BABAM2: variants seen among roughly 807,000 people sequenced by gnomAD.
BABAM2 encodes BRISC and BRCA1-A complex member 2.
BABAM2 carries 31 observed loss-of-function variants against 54.7 expected under a neutral mutation model. The observed-to-expected ratio is 0.57, with a 90% CI of 0.43 to 0.77. BABAM2 has a LOEUF of 0.77. Among genes scored for constraint, BABAM2 ranks in the 30% least tolerant of loss-of-function variants. The pLI is 0.00. For synonymous variants in BABAM2, 167 were observed against 162.9 expected (o/e 1.03, Z -0.19); for missense variants, 364 against 455.8 (o/e 0.80, Z 1.83).
intron 10 of BABAM2, among the ~76,000 whole-genome samples, chr2:28,259,883 A>C (rs549851631): frequency 6.0e-5 from 9 of 149,712 alleles, no homozygotes; most frequent in Admixed American, 4.8e-4. Flanking sequence ...TGACCATATA[A>C]GTGTAAATCT....
chr2:28,068,284 C>A (rs1431947169), intron 6 of BABAM2, among the ~76,000 whole-genome samples: 1 of 152,146 alleles, frequency 6.6e-6, no homozygotes, highest in African/African-American at 2.4e-5. Context: ...TTACAACCTA[C>A]ATATGTAGCG....
At chr2:28,192,301 T>C (rs1201669219) in intron 7 of BABAM2, among the ~76,000 whole-genome samples, 1 of 152,136 alleles carries the variant, frequency 6.6e-6, no homozygotes, top group Non-Finnish European at 1.5e-5. Flanking sequence ...CCCAAAGTGC[T>C]GGGATTACAG....
intron 4 of BABAM2, among the ~76,000 whole-genome samples, chr2:28,020,952 G>GAC (rs57086132): frequency 0.11 from 15,827 of 144,288 alleles, 1,092 homozygotes; most frequent in African/African-American, 0.2. Context: ...CTGTCTCTCT[G>GAC]ACACACACAC....
chr2:28,009,617 G>C (rs1374296178), intron 4 of BABAM2, among the ~76,000 whole-genome samples: 4 of 152,090 alleles, frequency 2.6e-5, no homozygotes, highest in Non-Finnish European at 5.9e-5. Context: ...ATTTGAAACA[G>C]ATGCTTTTAT....
chr2:27,981,639 C>T (rs1318176351), intron 3 of BABAM2, among the ~76,000 whole-genome samples: 1 of 152,074 alleles, frequency 6.6e-6, no homozygotes, highest in Non-Finnish European at 1.5e-5. Context: ...GTGTCTGGCT[C>T]ATTTCACTTA....
At chr2:28,273,292 AC>A (rs1685583885) in intron 10 of BABAM2, among the ~76,000 whole-genome samples, 1 of 152,106 alleles carries the variant, frequency 6.6e-6, no homozygotes, top group Non-Finnish European at 1.5e-5. Context: ...CTACGTCAGA[AC>A]CCCTGAGAGC....
intron 7 of BABAM2, among the ~76,000 whole-genome samples, chr2:28,165,096 T>C (rs1320149988): frequency 6.6e-6 from 1 of 152,222 alleles, no homozygotes; most frequent in Admixed American, 6.5e-5. Context: ...GAATCAGTGA[T>C]AAGCAAAAAC....
At chr2:27,916,362 A>G (rs1449110283) in intron 2 of BABAM2, among the ~76,000 whole-genome samples, 1 of 152,222 alleles carries the variant, frequency 6.6e-6, no homozygotes, top group African/African-American at 2.4e-5. Flanking sequence ...AACACTGTAC[A>G]TTGAATGTAT....
chr2:27,968,193 G>A (rs1004343911), intron 3 of BABAM2, among the ~76,000 whole-genome samples: 16 of 152,332 alleles, frequency 1.1e-4, no homozygotes, highest in African/African-American at 3.8e-4. Flanking sequence ...GGTCTCATGG[G>A]CTGGGCCCAG....
intron 6 of BABAM2, among the ~76,000 whole-genome samples, chr2:28,071,683 T>TTA (rs1339172232): frequency 6.6e-6 from 1 of 152,242 alleles, no homozygotes; most frequent in Non-Finnish European, 1.5e-5. Context: ...TTATCCAGCG[T>TTA]TACAGTTCAT....
intron 11 of BABAM2, among the ~76,000 whole-genome samples, chr2:28,311,588 C>T (rs2148282679): frequency 6.6e-6 from 1 of 152,232 alleles, no homozygotes; most frequent in African/African-American, 2.4e-5. Flanking sequence ...AGTCAAGTGA[C>T]CTGGGTCTCA....
chr2:28,241,332 G>T lies in BABAM2; in HGVS notation c.790G>T (p.Val264Leu), dbSNP rs746140512. The T allele has an allele frequency of 6.2e-7, 1 of 1,613,830 alleles. No individual in the cohort carries two copies. Among genetic ancestry groups the T allele is most frequent in the African/African-American group, 1.3e-5 (1 of 74,888 alleles). ...CHLLTNKVQY[V>L]IQGYHKRREY... Reference sequence around the variant, plus strand: ...TGGGTTTCTATTCCAGGTGCAGTACGTGATTCAAGGGTATCACAAAAGAAG... The same window carrying T: ...TGGGTTTCTATTCCAGGTGCAGTACTTGATTCAAGGGTATCACAAAAGAAG... The change falls in exon 9 of 12, where the codon GTG (valine) becomes TTG (leucine). Residue 264 changes from valine to leucine, a missense_variant. Physicochemically the swap from Val to Leu is conservative, Grantham distance 32. Transcript: ENST00000379624.
chr2:28,187,035 G>A (rs1027099590), intron 7 of BABAM2, among the ~76,000 whole-genome samples: 7 of 152,150 alleles, frequency 4.6e-5, no homozygotes, highest in African/African-American at 1.7e-4. Context: ...TCAATCTCCT[G>A]ACCTCGTGAT....
intron 4 of BABAM2, among the ~76,000 whole-genome samples, chr2:27,998,119 C>T (rs1483237492): frequency 6.6e-6 from 1 of 152,002 alleles, no homozygotes; most frequent in Admixed American, 6.5e-5. Flanking sequence ...TGCCACTGCA[C>T]TCCAGCCTGG....
chr2:27,951,836 T>G (rs1030096936), intron 3 of BABAM2, among the ~76,000 whole-genome samples: 1 of 152,204 alleles, frequency 6.6e-6, no homozygotes, highest in African/African-American at 2.4e-5. Flanking sequence ...CTATTTGTAG[T>G]CTTTTATCCC....
At chr2:28,035,620 CATT>C (rs1181898537) in intron 5 of BABAM2, among the ~76,000 whole-genome samples, 3 of 152,112 alleles carry the variant, frequency 2.0e-5, no homozygotes, top group Admixed American at 1.3e-4. Context: ...AGGAGTTGGA[CATT>C]ATGTAAAATA....
intron 4 of BABAM2, among the ~76,000 whole-genome samples, chr2:28,016,920 G>C (rs1674869358): frequency 6.6e-6 from 1 of 152,168 alleles, no homozygotes; most frequent in African/African-American, 2.4e-5. Context: ...GATGTGATTG[G>C]CAGTGCTGTG....
chr2:27,892,998 TACTA>T (rs1664991192), intron 1 of BABAM2, among the ~76,000 whole-genome samples: 2 of 152,346 alleles, frequency 1.3e-5, no homozygotes, highest in East Asian at 3.9e-4. Context: ...ATTTATTACT[TACTA>T]TCTGAAATAA....
intron 10 of BABAM2, among the ~76,000 whole-genome samples, chr2:28,272,441 G>A (rs1685496422): frequency 6.6e-6 from 1 of 152,214 alleles, no homozygotes; most frequent in Non-Finnish European, 1.5e-5. Context: ...GGGACAGCCT[G>A]TTGCTTAGGC....
Sources: allele counts gnomAD v4.1 joint callset (sites outside exome capture counted in the v4.1 genomes callset), GRCh38; gene constraint gnomAD v4.1.1; transcripts MANE v1.5; gene names NCBI Gene and HGNC (gene_info 2026-07-23, HGNC 2026-07-21).